ING2: variants seen among roughly 807,000 people sequenced by gnomAD.
The protein encoded by ING2 is inhibitor of growth family member 2, also known as inhibitor of growth protein 2.
In ING2, 7 loss-of-function variants were observed where a neutral mutation model predicts 30.6. The observed-to-expected ratio is 0.23, with a 90% CI of 0.13 to 0.43. The LOEUF (loss-of-function observed/expected upper bound fraction) is 0.43. Ranked by LOEUF, ING2 falls within the 20% of genes least tolerant of loss-of-function variation. The probability of loss-of-function intolerance (pLI) is 1.00; values close to 1 mark genes in which losing one functional copy is unlikely to be tolerated. For missense variants in ING2, 239 were observed against 334.9 expected (o/e 0.71, Z 2.24); for synonymous variants, 136 against 121.7 (o/e 1.12, Z -0.78).
At chr4:183,508,348 G>T (rs931938741) in intron 1 of ING2, among the ~76,000 whole-genome samples, 1 of 151,654 alleles carries the variant, frequency 6.6e-6, no homozygotes, top group African/African-American at 2.4e-5. Flanking sequence ...AAAGAGGTTT[G>T]CCTCTTTTTT....
Position 183,511,037 on chromosome 4 carries a change from G to A in ING2, c.*85G>A. Reference sequence around the variant, plus strand: ...AAAATGTTTTAGGGTAAATGCATAAGACTATGCAATAATTTTTAATCATTA... The same window carrying A: ...AAAATGTTTTAGGGTAAATGCATAAAACTATGCAATAATTTTTAATCATTA... On this transcript the variant is annotated 3_prime_UTR_variant, in exon 2 of 2. Transcript: ENST00000302327. The A allele has an allele frequency of 9.8e-7, 1 of 1,015,788 alleles. No individual in the cohort carries two copies. The allele number at this position is 1,015,788 out of a possible 1,614,324, so 62.9% of individuals were successfully genotyped here. A position where few individuals can be genotyped will look rare whatever the true frequency, so the allele number is the denominator to read the frequency against.
At chr4:183,508,824 T>C (rs1404411717) in intron 1 of ING2, among the ~76,000 whole-genome samples, 1 of 152,202 alleles carries the variant, frequency 6.6e-6, no homozygotes, top group Non-Finnish European at 1.5e-5. Flanking sequence ...GCAAAACTAA[T>C]CTTAAGTAAA....
Position 183,511,798 on chromosome 4 carries a change from G to A in ING2, c.*846G>A, listed in dbSNP as rs72689386. The stretch of plus-strand genomic sequence containing the variant: ...TCCATGTGACCTGCTGCCAGGATGC[G>A]TAGCCACAGGCCTATCAGTGGAAAG... On this transcript the variant is annotated 3_prime_UTR_variant, in exon 2 of 2. Coordinates refer to ENST00000302327, the MANE Select transcript of ING2 (RefSeq NM_001564.4). Among the ~76,000 whole-genome samples the A allele has an allele frequency of 1.3e-5, 2 of 152,144 alleles. No homozygotes were observed. Among genetic ancestry groups the A allele is most frequent in the Admixed American group, 6.5e-5 (1 of 15,276 alleles).
chr4:183,505,719 G>A (rs528396732), intron 1 of ING2, among the ~76,000 whole-genome samples: 8 of 150,636 alleles, frequency 5.3e-5, no homozygotes, highest in African/African-American at 1.9e-4. Flanking sequence ...CTGCAGCCGG[G>A]CAAGGGTCGG....
In ING2 at chr4:183,505,116, C is replaced by T. The variant is rs1436564223; in HGVS notation, c.-80C>T. ...GTCCCCGCGGCGCCGGGCTGCTGAG[C>T]TGAGGGCCCGCGGCGGCCGCGGCCG... On this transcript the variant is annotated 5_prime_UTR_variant, in exon 1 of 2. Transcript: ENST00000302327. 1.4e-6 allele frequency: 2 copies of T among 1,403,440 alleles called. No homozygotes were observed. The highest frequency in any genetic ancestry group is 3.1e-5 in the East Asian group (1 of 32,056). 86.9% of individuals were successfully genotyped at this position (1,403,440 alleles called of 1,614,324 possible). A position where few individuals can be genotyped will look rare whatever the true frequency, so the allele number is the denominator to read the frequency against.
At chr4:183,509,448 C>CTTT (rs1303539730) in intron 1 of ING2, among the ~76,000 whole-genome samples, 1 of 142,746 alleles carries the variant, frequency 7.0e-6, no homozygotes, top group Admixed American at 7.1e-5. Context: ...ATCTCTTATC[C>CTTT]TTTTTTTTTT....
chr4:183,506,081 C>T (rs958768718), intron 1 of ING2: 5 of 1,183,548 alleles, frequency 4.2e-6, no homozygotes, highest in Non-Finnish European at 5.4e-6. Flanking sequence ...TGACGAGGGG[C>T]GTGGGAGGGG....
At position 183,505,405 on chromosome 4, in the gene ING2, G is replaced by A. The variant is rs1440540182; in HGVS notation, c.172+38G>A. ...GGGCTGCCGGCCTCGGGAGCCGGTG[G>A]CGGGGAGCCTGTCCGGGGGAGTGCC... On this transcript the variant is annotated intron_variant, in intron 1 of 1. Transcript: ENST00000302327. 2.7e-6 allele frequency: 4 copies of A among 1,508,306 alleles called. 1 individual carries two copies. In the South Asian group the frequency reaches 5.0e-5, roughly 19 times the overall value. The allele number at this position is 1,508,306 out of a possible 1,614,324, so 93.4% of individuals were successfully genotyped here.
chr4:183,508,173 A>G lies in ING2; in HGVS notation c.173-2109A>G, dbSNP rs186110783. Among the ~76,000 whole-genome samples, 351 of 152,044 alleles carry G rather than the reference A, an allele frequency of 2.3e-3. 1 individual carries two copies. The highest frequency in any genetic ancestry group is 4.4e-3 in the Non-Finnish European group (298 of 67,996). ...GGGGTTGCTGTGGAGATTAACTGAGAAAATCTTTACCACATAGAAGGGGCT... is the reference window on the plus strand; with the variant it reads ...GGGGTTGCTGTGGAGATTAACTGAGGAAATCTTTACCACATAGAAGGGGCT... On this transcript the variant is annotated intron_variant, in intron 1 of 1. Coordinates refer to ENST00000302327, the MANE Select transcript of ING2 (RefSeq NM_001564.4).
At chr4:183,505,852 G>T (rs1187151894) in intron 1 of ING2, among the ~76,000 whole-genome samples, 2 of 151,978 alleles carry the variant, frequency 1.3e-5, no homozygotes, top group East Asian at 3.9e-4. Context: ...CCGCGGAGGC[G>T]GACTGAGGGG....
intron 1 of ING2, among the ~76,000 whole-genome samples, chr4:183,507,952 CCCA>C (rs1332678361): frequency 1.4e-4 from 22 of 152,148 alleles, no homozygotes; most frequent in African/African-American, 5.3e-4. Context: ...TTCTAGTGTT[CCCA>C]CTCATAATTT....
chr4:183,506,478 C>T (rs1314209055), intron 1 of ING2, among the ~76,000 whole-genome samples: 3 of 152,184 alleles, frequency 2.0e-5, no homozygotes, highest in Non-Finnish European at 4.4e-5. Context: ...CAGAATCGAC[C>T]TTCCTTACAG....
intron 1 of ING2, among the ~76,000 whole-genome samples, chr4:183,507,401 A>G (rs1266538946): frequency 1.3e-5 from 2 of 152,184 alleles, no homozygotes; most frequent in Admixed American, 1.3e-4. Flanking sequence ...GCGCCCAGCA[A>G]GCTTGCAGGT....
At chr4:183,505,890 CGGA>C (rs562177146) in intron 1 of ING2, among the ~76,000 whole-genome samples, 223 of 152,228 alleles carry the variant, frequency 1.5e-3, no homozygotes, top group African/African-American at 4.8e-3. Flanking sequence ...TGCCCCGGCC[CGGA>C]GGAGAGCAGT....
chr4:183,509,967 C>T (rs1734782901), intron 1 of ING2, among the ~76,000 whole-genome samples: 1 of 150,938 alleles, frequency 6.6e-6, no homozygotes, highest in Non-Finnish European at 1.5e-5. Context: ...AACTCCTGAC[C>T]TCAGGTGATC....
At position 183,505,138 on chromosome 4, in the gene ING2, G is replaced by A. The variant is rs1352637930; in HGVS notation, c.-58G>A. The A allele has an allele frequency of 2.7e-5, 40 of 1,495,868 alleles. No individual in the cohort carries two copies. The East Asian group carries it at 9.3e-4, about 35-fold the overall frequency. 92.7% of individuals were successfully genotyped at this position (1,495,868 alleles called of 1,614,324 possible). ...GAGCTGAGGGCCCGCGGCGGCCGCG[G>A]CCGGTGCATGTGCGGCTGCTGGATG... On this transcript the variant is annotated 5_prime_UTR_variant, in exon 1 of 2. Transcript: ENST00000302327.
Position 183,505,374 on chromosome 4 carries a change from G to A in ING2, c.172+7G>A, listed in dbSNP as rs1421775240. ...CTGGACAACAAATATCAAGGTAGGA[G>A]CCGCGGGGCTGCCGGCCTCGGGAGC... On this transcript the variant is annotated splice_region_variant and intron_variant, in intron 1 of 1. Transcript: ENST00000302327. 1 of 1,520,056 alleles carries A rather than the reference G, an allele frequency of 6.6e-7. No individual in the cohort carries two copies. Among genetic ancestry groups the A allele is most frequent in the Non-Finnish European group, 8.8e-7 (1 of 1,131,402 alleles). 94.2% of individuals were successfully genotyped at this position (1,520,056 alleles called of 1,614,324 possible). A position where few individuals can be genotyped will look rare whatever the true frequency, so the allele number is the denominator to read the frequency against.
At chr4:183,506,038 G>GGGCCCCCGCGCCGGGGGCGGGGCC (rs1560968902) in intron 1 of ING2, 44 of 1,062,806 alleles carry the variant, frequency 4.1e-5, no homozygotes, top group Non-Finnish European at 5.2e-5. Flanking sequence ...GTGGCGGGGA[G>GGGCCCCCGCGCCGGGGGCGGGGCC]GGCCCCCGCG....
chr4:183,510,266 CT>C lies in ING2; in HGVS notation c.173-12del, dbSNP rs1297853301. The C allele has an allele frequency of 4.6e-6, 7 of 1,519,086 alleles. No individual in the cohort carries two copies. The highest frequency in any genetic ancestry group is 6.2e-6 in the Non-Finnish European group (7 of 1,123,986). The allele number at this position is 1,519,086 out of a possible 1,614,324, so 94.1% of individuals were successfully genotyped here. On this transcript the variant is annotated splice_polypyrimidine_tract_variant and intron_variant, in intron 1 of 1. Coordinates refer to ENST00000302327, the MANE Select transcript of ING2 (RefSeq NM_001564.4). ...AACACATGATAACGTTCTCATTTTT[CT>C]TTTCCTTTTTTTAGAAACGTTAAAG...
Sources: allele counts gnomAD v4.1 joint callset (sites outside exome capture counted in the v4.1 genomes callset), GRCh38; gene constraint gnomAD v4.1.1; transcripts MANE v1.5; gene names NCBI Gene and HGNC (gene_info 2026-07-23, HGNC 2026-07-21).